Variants in BRWD1 observed in about 807,000 individuals in gnomAD.
The protein encoded by BRWD1 is bromodomain and WD repeat-containing protein 1.
In BRWD1, 82 loss-of-function variants were observed where a neutral mutation model predicts 251.2. That is an observed-to-expected ratio of 0.33 (90% CI 0.27 to 0.39). The LOEUF is 0.39. BRWD1 is among the 10% of genes least tolerant of loss of function. BRWD1 has a pLI of 1.00. For synonymous variants in BRWD1, 918 were observed against 902.8 expected, an observed-to-expected ratio of 1.02 and a Z score of -0.30; for missense variants, 2,233 against 2,711.6, an observed-to-expected ratio of 0.82 and a Z score of 3.92.
At chr21:39,197,743 C>T (rs1601238745) in intron 40 of BRWD1, among the ~76,000 whole-genome samples, 1 of 152,118 alleles carries the variant, frequency 6.6e-6, no homozygotes, top group East Asian at 1.9e-4. Flanking sequence ...TGTTCTGAAT[C>T]CTGCAGGCAG....
intron 15 of BRWD1, among the ~76,000 whole-genome samples, chr21:39,268,442 CA>C (rs35682732): frequency 0.48 from 52,850 of 109,158 alleles, 10,384 homozygotes; most frequent in Middle Eastern, 0.61. Context: ...ACTCCATCTC[CA>C]AAAAAAAAAA....
intron 32 of BRWD1, among the ~76,000 whole-genome samples, chr21:39,214,628 G>T (rs2032804978): frequency 6.6e-6 from 1 of 151,824 alleles, no homozygotes; most frequent in African/African-American, 2.4e-5. Context: ...ATGGTACCAA[G>T]ATTTTTTTTT....
intron 5 of BRWD1, chr21:39,298,185 C>G: frequency 2.6e-6 from 3 of 1,137,856 alleles, no homozygotes; most frequent in Non-Finnish European, 2.2e-6. Context: ...CAAACAACAT[C>G]TCAGAATAAA....
At chr21:39,299,577 AG>A (rs2036052734) in intron 4 of BRWD1, among the ~76,000 whole-genome samples, 1 of 152,170 alleles carries the variant, frequency 6.6e-6, no homozygotes, top group South Asian at 2.1e-4. Flanking sequence ...CAATGAGAAT[AG>A]GCTGGATAAA....
At chr21:39,313,708 G>T (rs997510964), upstream of BRWD1, 5 of 367,200 alleles carry the variant, frequency 1.4e-5, no homozygotes, top group African/African-American at 2.2e-5. Context: ...GGGGGCGGGG[G>T]TTTGCGCCAA....
At chr21:39,256,877 C>T (rs544083554) in intron 18 of BRWD1, among the ~76,000 whole-genome samples, 2 of 152,328 alleles carry the variant, frequency 1.3e-5, no homozygotes, top group African/African-American at 2.4e-5. Context: ...CTATGTACCA[C>T]ACTCTATTTA....
At chr21:39,236,236 C>A (rs1000371039) in intron 23 of BRWD1, among the ~76,000 whole-genome samples, 6 of 152,098 alleles carry the variant, frequency 3.9e-5, no homozygotes, top group African/African-American at 1.4e-4. Context: ...GCAAAGGCCT[C>A]CCCCATAAGT....
chr21:39,266,497 A>C (rs1601418779), intron 15 of BRWD1, among the ~76,000 whole-genome samples: 1 of 152,190 alleles, frequency 6.6e-6, no homozygotes, highest in African/African-American at 2.4e-5. Flanking sequence ...AAAATCTCAA[A>C]GCTGGAAAGC....
rs1220956879 is a variant in BRWD1, at chr21:39,218,672, A to G, written c.3383-12T>C. The G allele has an allele frequency of 6.4e-7, 1 of 1,561,914 alleles. No individual in the cohort carries two copies. On this transcript the variant is annotated splice_polypyrimidine_tract_variant and intron_variant, in intron 29 of 40. Transcript: ENST00000342449. ...TTCAGGTGGATCAACTATGAATACC[A>G]TAAAAAACAATGAGAGGAAGAAAAA... is the stretch of plus-strand genomic sequence containing the variant.
Position 39,195,481 on chromosome 21 carries a change from C to CA in BRWD1, c.*777dup. On this transcript the variant is annotated 3_prime_UTR_variant, in exon 41 of 41. Coordinates refer to ENST00000342449, the MANE Select transcript of BRWD1 (RefSeq NM_033656.4). ...AAACCAGGAGATCTTGGACAGAAGA[C>CA]AGATTATATAGCATTTTGTTAGTGC... 1.0e-6 allele frequency: 1 copy of CA among 985,386 alleles called. No individual in the cohort carries two copies. 61.0% of individuals were successfully genotyped at this position (985,386 alleles called of 1,614,324 possible). A position where few individuals can be genotyped will look rare whatever the true frequency, so the allele number is the denominator to read the frequency against.
At chr21:39,227,022 C>T (rs996965701) in intron 27 of BRWD1, among the ~76,000 whole-genome samples, 1 of 151,876 alleles carries the variant, frequency 6.6e-6, no homozygotes, top group African/African-American at 2.4e-5. Context: ...TTTGTATGCA[C>T]TATAATTAAG....
upstream of BRWD1, chr21:39,316,928 G>C (rs1030201457): frequency 2.6e-5 from 4 of 152,194 alleles, no homozygotes; most frequent in African/African-American, 9.7e-5. Context: ...AGCAGAGCAA[G>C]ACCCTGTCTC....
At chr21:39,258,948 C>CT (rs2034650756) in intron 17 of BRWD1, among the ~76,000 whole-genome samples, 1 of 152,120 alleles carries the variant, frequency 6.6e-6, no homozygotes, top group South Asian at 2.1e-4. Flanking sequence ...TTCTGTAAAA[C>CT]TTTATTACGC....
rs530922707 is a variant in BRWD1, at chr21:39,285,094, G to A, written c.832-4846C>T. 5.3e-5 allele frequency among the ~76,000 whole-genome samples: 8 copies of A among 152,234 alleles called. No homozygotes were observed. The South Asian group carries it at 1.2e-3, about 24-fold the overall frequency. On this transcript the variant is annotated intron_variant, in intron 8 of 40. Coordinates refer to ENST00000342449, the MANE Select transcript of BRWD1 (RefSeq NM_033656.4). ...CCTAAACACCCATCTACAGATGAAT[G>A]AACAAAGAAAATGCCGTGTGTCCGT... is the stretch of plus-strand genomic sequence containing the variant.
At chr21:39,215,150 C>CA (rs921605750) in intron 32 of BRWD1, 87 bp downstream of exon 32, 10 of 1,376,346 alleles carry the variant, frequency 7.3e-6, no homozygotes, top group Admixed American at 1.8e-5. Context: ...GATTAACAGG[C>CA]ATGAGCCACC....
Position 39,190,619 on chromosome 21 carries a change from C to T in BRWD1, c.*5640G>A, listed in dbSNP as rs900900592. ...CCTTCATTGATAAGCAATGAAATGA[C>T]CCCAAAACTCAGAAAGCAAATAACA... is the stretch of plus-strand genomic sequence containing the variant. On this transcript the variant is annotated 3_prime_UTR_variant, in exon 41 of 41. Coordinates refer to ENST00000342449, the MANE Select transcript of BRWD1 (RefSeq NM_033656.4). The T allele has an allele frequency of 3.0e-6, 3 of 985,198 alleles. No homozygotes were observed. In the African/African-American group the frequency reaches 5.2e-5, roughly 17 times the overall value. The allele number at this position is 985,198 out of a possible 1,614,324, so 61.0% of individuals were successfully genotyped here.
At chr21:39,216,788 T>A (rs1012602242) in intron 31 of BRWD1, 12 of 298,992 alleles carry the variant, frequency 4.0e-5, no homozygotes, top group African/African-American at 2.2e-4. Context: ...AGAAATATAT[T>A]TTTTTTAACT....
chr21:39,284,819 CTT>C (rs1359212525), intron 8 of BRWD1, among the ~76,000 whole-genome samples: 3 of 152,058 alleles, frequency 2.0e-5, no homozygotes, highest in Non-Finnish European at 4.4e-5. Context: ...GATATTAACT[CTT>C]TGTCAGATGC....
At chr21:39,250,757 G>T in intron 20 of BRWD1, 39 bp downstream of exon 20, 2 of 1,264,242 alleles carry the variant, frequency 1.6e-6, no homozygotes, top group Non-Finnish European at 2.2e-6. Flanking sequence ...ATATTTCAAT[G>T]TAATTTCTAA....
Sources: gnomAD v4.1 joint callset for allele counts (sites outside exome capture counted in the v4.1 genomes callset) on GRCh38, gnomAD v4.1.1 for gene constraint, MANE v1.5 for transcripts, NCBI Gene and HGNC (gene_info 2026-07-23, HGNC 2026-07-21) for gene names.